The following ANKFN1 variants were observed in gnomAD, a reference collection of about 807,000 sequenced individuals.
ANKFN1 encodes the protein ankyrin repeat and fibronectin type-III domain-containing protein 1.
In ANKFN1, 74 loss-of-function variants were observed where a neutral mutation model predicts 108.7. The ratio of observed to expected loss-of-function variants is 0.68; its 90% CI spans 0.56 to 0.83. The LOEUF is 0.83. ANKFN1 is among the 40% of genes least tolerant of loss of function. ANKFN1 has a pLI of 0.00. For missense variants in ANKFN1, 1,505 were observed against 1,382.3 expected (o/e 1.09, Z -1.41); for synonymous variants, 547 against 516.2 (o/e 1.06, Z -0.81).
chr17:56,317,474 T>C (rs1028468397), intron 3 of ANKFN1, among the ~76,000 whole-genome samples: 2 of 152,172 alleles, frequency 1.3e-5, no homozygotes, highest in Admixed American at 1.3e-4. Flanking sequence ...AAATGTTTGT[T>C]TGGAGGGCCA....
At chr17:56,127,141 C>A (rs1906983624) in intron 4 of ANKFN1, among the ~76,000 whole-genome samples, 1 of 152,120 alleles carries the variant, frequency 6.6e-6, no homozygotes, top group Admixed American at 6.5e-5. Flanking sequence ...CAGGTAATCA[C>A]TCAATTCCTA....
At chr17:56,198,099 G>A (rs972331119) in intron 1 of ANKFN1, among the ~76,000 whole-genome samples, 1 of 152,168 alleles carries the variant, frequency 6.6e-6, no homozygotes, top group African/African-American at 2.4e-5. Context: ...ATGATCTGAG[G>A]TGAAGCAGTT....
At chr17:56,351,015 T>C in intron 5 of ANKFN1, 48 bp downstream of exon 5, 1 of 1,574,936 alleles carries the variant, frequency 6.3e-7, no homozygotes, top group Non-Finnish European at 8.7e-7. Flanking sequence ...TATTCATTTA[T>C]GTTTGGGTTT....
intron 2 of ANKFN1, among the ~76,000 whole-genome samples, chr17:56,225,729 G>A (rs1022906581): frequency 5.3e-5 from 8 of 152,136 alleles, no homozygotes; most frequent in Non-Finnish European, 1.2e-4. Context: ...GTAACTCTCT[G>A]GTCTGAAAAA....
intron 4 of ANKFN1, among the ~76,000 whole-genome samples, chr17:56,047,588 G>A (rs1336247873): frequency 2.0e-5 from 3 of 152,054 alleles, no homozygotes; most frequent in African/African-American, 7.2e-5. Context: ...TGAACCAGGG[G>A]ATGGGAACTG....
At chr17:56,224,687 A>G (rs1916130955) in intron 2 of ANKFN1, 1 of 152,316 alleles carries the variant, frequency 6.6e-6, no homozygotes, top group East Asian at 1.9e-4. Context: ...CAGGGTGAGA[A>G]GTTGAGATCA....
chr17:56,113,368 T>G (rs1269746532), intron 4 of ANKFN1, among the ~76,000 whole-genome samples: 1 of 152,176 alleles, frequency 6.6e-6, no homozygotes, highest in Admixed American at 6.5e-5. Context: ...CAGAACTGCA[T>G]GCACAATGAA....
At chr17:56,186,306 AAAT>A (rs372616890) in intron 1 of ANKFN1, among the ~76,000 whole-genome samples, 109 of 151,824 alleles carry the variant, frequency 7.2e-4, no homozygotes, top group African/African-American at 2.4e-3. Flanking sequence ...GAGCATATAA[AAAT>A]AATAATTCCT....
intron 3 of ANKFN1, among the ~76,000 whole-genome samples, chr17:56,276,560 G>T (rs1313088703): frequency 6.6e-6 from 1 of 152,108 alleles, no homozygotes; most frequent in African/African-American, 2.4e-5. Flanking sequence ...GGTGTGAGAT[G>T]GTATCTCATT....
At chr17:56,202,826 G>A (rs765764713) in intron 1 of ANKFN1, among the ~76,000 whole-genome samples, 21 of 151,998 alleles carry the variant, frequency 1.4e-4, no homozygotes, top group Non-Finnish European at 2.9e-4. Context: ...ATAATGATGC[G>A]AAAGAATGCT....
At chr17:56,110,532 A>G (rs1353192393) in intron 4 of ANKFN1, among the ~76,000 whole-genome samples, 1 of 152,178 alleles carries the variant, frequency 6.6e-6, no homozygotes, top group African/African-American at 2.4e-5. Context: ...TGCTCGCCTT[A>G]TAACCCCAGG....
chr17:56,226,197 G>A lies in ANKFN1; in HGVS notation c.13-1720G>A, dbSNP rs192779669. ...TAGTGCCACATGTGAGATCTTGTTG[G>A]GTCAAACTATAGAATAATAACTAAC... On this transcript the variant is annotated intron_variant, in intron 2 of 20. Coordinates refer to ENST00000682825, the MANE Select transcript of ANKFN1 (RefSeq NM_001370326.1). Among the ~76,000 whole-genome samples the A allele has an allele frequency of 7.3e-4, 111 of 152,038 alleles. 1 individual carries two copies. Among genetic ancestry groups the A allele is most frequent in the Admixed American group, 5.6e-3 (85 of 15,240 alleles).
chr17:56,388,611 G>T (rs1372452315), intron 8 of ANKFN1, among the ~76,000 whole-genome samples: 1 of 152,062 alleles, frequency 6.6e-6, no homozygotes, highest in East Asian at 1.9e-4. Flanking sequence ...TTGCAAAATA[G>T]TGTACTATGA....
chr17:56,477,859 C>T (rs1209530216), intron 16 of ANKFN1, among the ~76,000 whole-genome samples: 1 of 152,002 alleles, frequency 6.6e-6, no homozygotes, highest in East Asian at 1.9e-4. Context: ...CGGAGTTTCA[C>T]TCTTGTTACC....
At chr17:56,078,473 T>C (rs989855186) in intron 4 of ANKFN1, among the ~76,000 whole-genome samples, 8 of 152,250 alleles carry the variant, frequency 5.3e-5, no homozygotes, top group African/African-American at 1.9e-4. Flanking sequence ...AGCTCCCATC[T>C]AAAATCCACA....
Position 56,187,497 on chromosome 17 carries a change from A to G in ANKFN1, c.-70-25101A>G, listed in dbSNP as rs373803266. ...TTTTACACTGTTGGTGGGACTGTAA[A>G]CTAGTTCAACCATTGTAGAAGACAG... On this transcript the variant is annotated intron_variant, in intron 1 of 20. Transcript: ENST00000682825. Among the ~76,000 whole-genome samples, 90 of 152,336 alleles carry G rather than the reference A, an allele frequency of 5.9e-4. 7 individuals carry two copies. The Middle Eastern group carries it at 0.01, about 17-fold the overall frequency.
chr17:56,281,434 C>T (rs2044080256), intron 3 of ANKFN1, among the ~76,000 whole-genome samples: 1 of 151,902 alleles, frequency 6.6e-6, no homozygotes, highest in East Asian at 1.9e-4. Flanking sequence ...AATGTATAAG[C>T]TAAAATTATA....
upstream of ANKFN1, among the ~76,000 whole-genome samples, chr17:56,148,537 A>C (rs995681147): frequency 6.6e-6 from 1 of 152,226 alleles, no homozygotes. Flanking sequence ...AAGGTTGAGC[A>C]TGTTCTAGTC....
At chr17:56,408,718 ATGTG>A (rs2047996378) in intron 8 of ANKFN1, among the ~76,000 whole-genome samples, 1 of 152,124 alleles carries the variant, frequency 6.6e-6, no homozygotes. Flanking sequence ...GTAGTCTGTG[ATGTG>A]AGCATCCTTC....
Sources: gnomAD v4.1 joint callset for allele counts (sites outside exome capture counted in the v4.1 genomes callset) on GRCh38, gnomAD v4.1.1 for gene constraint, MANE v1.5 for transcripts, NCBI Gene and HGNC (gene_info 2026-07-23, HGNC 2026-07-21) for gene names.